The following USH2A variants were observed in gnomAD, a reference collection of about 807,000 sequenced individuals.
The protein encoded by USH2A is usherin.
Under a neutral mutation model 538.9 loss-of-function variants are expected in USH2A, and 443 were observed. The ratio of observed to expected loss-of-function variants is 0.82; its 90% CI spans 0.76 to 0.89. USH2A has a LOEUF of 0.89. USH2A is among the 40% of genes least tolerant of loss of function. The pLI, the probability that USH2A is intolerant of heterozygous loss-of-function variation, is 0.00. For synonymous variants in USH2A, 2,413 were observed against 2,273.5 expected (o/e 1.06, Z -1.75); for missense variants, 6,633 against 6,324.8 (o/e 1.05, Z -1.65).
intron 22 of USH2A, among the ~76,000 whole-genome samples, chr1:216,094,715 T>C (rs960104471): frequency 6.6e-6 from 1 of 152,178 alleles, no homozygotes; most frequent in Admixed American, 6.6e-5. Flanking sequence ...TCTGAATTTA[T>C]GGATATCAAC....
intron 64 of USH2A, among the ~76,000 whole-genome samples, chr1:215,665,565 G>C (rs905948716): frequency 3.3e-5 from 5 of 152,266 alleles, no homozygotes; most frequent in Non-Finnish European, 5.9e-5. Flanking sequence ...CTATTCATTA[G>C]CCTCAGCTCA....
chr1:215,947,943 GATA>G (rs1269043844), intron 37 of USH2A, among the ~76,000 whole-genome samples: 1 of 152,002 alleles, frequency 6.6e-6, no homozygotes, highest in Non-Finnish European at 1.5e-5. Flanking sequence ...AAATCAGAAA[GATA>G]ATAAGAAAAT....
At chr1:216,250,727 T>C (rs1207699403) in intron 12 of USH2A, among the ~76,000 whole-genome samples, 176 bp downstream of exon 12, 1 of 152,194 alleles carries the variant, frequency 6.6e-6, no homozygotes, top group African/African-American at 2.4e-5. Flanking sequence ...CAAGCTGCAG[T>C]TTGATAGAAT....
Position 216,083,585 on chromosome 1 carries a change from C to T in USH2A, c.5169G>A (p.Gly1723=). The T allele has an allele frequency of 6.2e-7, 1 of 1,611,804 alleles. No homozygotes were observed. The highest frequency in any genetic ancestry group is 1.1e-5 in the South Asian group (1 of 90,904). The change falls in exon 26 of 72, where the codon GGG becomes GGA. Residue 1723 remains glycine, a splice_region_variant and synonymous_variant. Transcript: ENST00000307340. ...LNEGAQFLGA[G]FLELHPYMFH... ...ACATATATGGATGAAGTTCCAGGAA[C>T]CCTTTAAAGATAAAAATATGTACAT...
At chr1:216,370,676 T>TAAAAAAAAAAAA (rs1558058395) in intron 3 of USH2A, among the ~76,000 whole-genome samples, 1 of 5,990 alleles carries the variant, frequency 1.7e-4, no homozygotes, top group Non-Finnish European at 3.0e-4. Context: ...AGACTCTGTC[T>TAAAAAAAAAAAA]CAAAAAAAAA....
rs1003186617 is a variant in USH2A at position 216,264,302 on chromosome 1, A to AT, written c.1972-13205dup. ...ATAAAGACCCAGAATAGACAAAGCA[A>AT]TTTTTTTTTTTTTGAGGTGGGGTCT... On this transcript the variant is annotated intron_variant, in intron 11 of 71. Transcript: ENST00000307340. 3.7e-3 allele frequency among the ~76,000 whole-genome samples: 534 copies of AT among 145,660 alleles called. 2 individuals carry two copies. Among genetic ancestry groups the AT allele is most frequent in the Middle Eastern group, 7.3e-3 (2 of 274 alleles).
chr1:215,959,986 A>T (rs1052522618), intron 37 of USH2A, among the ~76,000 whole-genome samples: 3 of 152,146 alleles, frequency 2.0e-5, no homozygotes, highest in Non-Finnish European at 4.4e-5. Flanking sequence ...AAAAAGCAGG[A>T]TATGTGTACT....
intron 47 of USH2A, among the ~76,000 whole-genome samples, chr1:215,819,060 AT>A (rs1662936788): frequency 1.3e-5 from 2 of 151,916 alleles, no homozygotes; most frequent in Non-Finnish European, 2.9e-5. Flanking sequence ...ATTTCTAGCC[AT>A]AAAAATTAAC....
At chr1:216,283,337 G>A (rs749842651) in intron 11 of USH2A, among the ~76,000 whole-genome samples, 15 of 152,068 alleles carry the variant, frequency 9.9e-5, no homozygotes, top group African/African-American at 2.7e-4. Flanking sequence ...TGATCCACCC[G>A]CCTCGGCTTC....
At chr1:216,400,621 C>T (rs2039289139) in intron 3 of USH2A, among the ~76,000 whole-genome samples, 1 of 152,036 alleles carries the variant, frequency 6.6e-6, no homozygotes, top group African/African-American at 2.4e-5. Flanking sequence ...ACCAAGGAAA[C>T]TCATGCTAGG....
intron 9 of USH2A, among the ~76,000 whole-genome samples, chr1:216,301,942 G>A (rs894965895): frequency 1.3e-5 from 2 of 152,034 alleles, no homozygotes; most frequent in Non-Finnish European, 2.9e-5. Context: ...CCTCTGGCTG[G>A]AGCAATTCCA....
chr1:216,123,051 A>G (rs1310472183), intron 21 of USH2A, among the ~76,000 whole-genome samples: 1 of 152,196 alleles, frequency 6.6e-6, no homozygotes, highest in Admixed American at 6.5e-5. Flanking sequence ...ACTGAGCTGA[A>G]TATGTCATTT....
intron 21 of USH2A, among the ~76,000 whole-genome samples, chr1:216,162,929 A>C (rs1362410444): frequency 6.6e-6 from 1 of 151,930 alleles, no homozygotes; most frequent in Non-Finnish European, 1.5e-5. Flanking sequence ...TTTTTGAATT[A>C]TTTTTCAGCA....
At chr1:215,680,060 T>G in intron 62 of USH2A, 89 bp downstream of exon 62, 1 of 1,361,754 alleles carries the variant, frequency 7.3e-7, no homozygotes, top group Non-Finnish European at 1.0e-6. Flanking sequence ...GTGAAGGGAG[T>G]TTTCCCACAG....
intron 30 of USH2A, among the ~76,000 whole-genome samples, chr1:216,061,065 C>T (rs866114457): frequency 1.1e-4 from 16 of 152,162 alleles, no homozygotes; most frequent in South Asian, 2.1e-4. Context: ...TGCTCTGAAC[C>T]TTGGCCTTGG....
rs2102499826 is a variant in USH2A, at chr1:215,934,796, C to A, written c.7121-1G>T. 2 of 1,606,950 alleles carry A rather than the reference C, an allele frequency of 1.2e-6. No homozygotes were observed. Among genetic ancestry groups the A allele is most frequent in the Non-Finnish European group, 1.7e-6 (2 of 1,176,486 alleles). ...TTCAGAAGGGTGTAGTTATTACCTA[C>A]TGATTAAAAAAGAAAATTATTAAAA... On this transcript the variant is annotated splice_acceptor_variant, in intron 37 of 71. Transcript: ENST00000307340. LOFTEE classifies it high-confidence loss of function.
chr1:216,232,098 G>T lies in USH2A; in HGVS notation c.2848C>A (p.Pro950Thr). The change falls in exon 14 of 72, where the codon CCA becomes ACA. Residue 950 changes from proline to threonine, a missense_variant. Coordinates refer to ENST00000307340, the MANE Select transcript of USH2A (RefSeq NM_206933.4). Reference sequence around the variant, plus strand: ...GCACCAGTTGTATGGCATGAGCATGGCAGGCAGCCAGTGGCATTGCCTGGA... The same window carrying T: ...GCACCAGTTGTATGGCATGAGCATGTCAGGCAGCCAGTGGCATTGCCTGGA... ...ISPGNATGCL[P>T]CSCHTTGAVN... 1 of 1,613,796 alleles carries T rather than the reference G, an allele frequency of 6.2e-7. No individual in the cohort carries two copies. Among genetic ancestry groups the T allele is most frequent in the Non-Finnish European group, 8.5e-7 (1 of 1,179,830 alleles).
chr1:216,077,404 A>AAAAACTTATATAAAACTTATATAATTG (rs1324615546), intron 27 of USH2A, among the ~76,000 whole-genome samples: 20 of 152,000 alleles, frequency 1.3e-4, no homozygotes, highest in Non-Finnish European at 2.5e-4. Flanking sequence ...AGCTCTACTG[A>AAAAACTTATATAAAACTTATATAATTG]AAAACTATGG....
At chr1:216,168,897 T>G (rs1002932291) in intron 21 of USH2A, among the ~76,000 whole-genome samples, 2 of 151,924 alleles carry the variant, frequency 1.3e-5, no homozygotes, top group Non-Finnish European at 2.9e-5. Context: ...ACCCAACCAA[T>G]CAGCACTCCC....
Sources: gnomAD v4.1 joint callset for allele counts (sites outside exome capture counted in the v4.1 genomes callset) on GRCh38, gnomAD v4.1.1 for gene constraint, MANE v1.5 for transcripts, NCBI Gene and HGNC (gene_info 2026-07-23, HGNC 2026-07-21) for gene names.